The following CSMD1 variants were observed in gnomAD, a reference collection of about 807,000 sequenced individuals.
CSMD1 encodes the protein CUB and Sushi multiple domains 1, also known as CUB and sushi domain-containing protein 1.
A neutral mutation model predicts 417.5 loss-of-function variants in CSMD1; 213 were observed. The ratio of observed to expected loss-of-function variants is 0.51; its 90% CI spans 0.46 to 0.57. The LOEUF (loss-of-function observed/expected upper bound fraction) is 0.57, where lower values mean the gene tolerates loss of function less well. Ranked by LOEUF, CSMD1 falls within the 20% of genes least tolerant of loss-of-function variation. The pLI is 0.00. For missense variants in CSMD1, 6,923 were observed against 4,529.7 expected, an observed-to-expected ratio of 1.53 and a Z score of -15.17; for synonymous variants, 2,862 against 1,736.8, an observed-to-expected ratio of 1.65 and a Z score of -16.11.
chr8:3,207,808 A>G (rs975958240), intron 30 of CSMD1, among the ~76,000 whole-genome samples: 5 of 152,198 alleles, frequency 3.3e-5, no homozygotes, highest in Non-Finnish European at 7.3e-5. Context: ...AAATCATGTT[A>G]TCACTCTAAA....
intron 1 of CSMD1, among the ~76,000 whole-genome samples, chr8:4,682,117 C>T (rs954684414): frequency 5.3e-5 from 8 of 152,136 alleles, no homozygotes; most frequent in Non-Finnish European, 8.8e-5. Context: ...CTCCTGGGCT[C>T]AAGCAATTCT....
chr8:4,940,381 G>A (rs760290759), intron 1 of CSMD1, among the ~76,000 whole-genome samples: 1 of 152,186 alleles, frequency 6.6e-6, no homozygotes, highest in Non-Finnish European at 1.5e-5. Context: ...GAAATATACA[G>A]TTATATTACA....
chr8:4,802,682 C>G (rs17071408), intron 1 of CSMD1, among the ~76,000 whole-genome samples: 1 of 152,052 alleles, frequency 6.6e-6, no homozygotes, highest in African/African-American at 2.4e-5. Context: ...CTCATTAATA[C>G]TGTGAAAGGC....
chr8:4,953,198 G>A (rs538637563), intron 1 of CSMD1, among the ~76,000 whole-genome samples: 1 of 152,254 alleles, frequency 6.6e-6, no homozygotes, highest in Admixed American at 6.5e-5. Flanking sequence ...ATTGTAGGAG[G>A]AAAATCTTTT....
intron 50 of CSMD1, among the ~76,000 whole-genome samples, chr8:3,034,275 C>T (rs895674550): frequency 6.6e-6 from 1 of 152,118 alleles, no homozygotes; most frequent in East Asian, 1.9e-4. Flanking sequence ...CCTTTTTTAA[C>T]TGTTTTCCAT....
At chr8:4,574,080 G>T (rs1158511303) in intron 2 of CSMD1, among the ~76,000 whole-genome samples, 3 of 152,088 alleles carry the variant, frequency 2.0e-5, no homozygotes, top group African/African-American at 7.2e-5. Context: ...GGGACCCACT[G>T]AGCAAGACCA....
intron 37 of CSMD1, among the ~76,000 whole-genome samples, chr8:3,179,059 T>C (rs914180009): frequency 4.0e-5 from 6 of 151,722 alleles, no homozygotes; most frequent in East Asian, 2.0e-4. Context: ...GCCATTCTCC[T>C]GCCTCAGCCT....
At chr8:3,418,311 T>C (rs960842868) in intron 12 of CSMD1, among the ~76,000 whole-genome samples, 4 of 152,148 alleles carry the variant, frequency 2.6e-5, no homozygotes, top group Non-Finnish European at 4.4e-5. Flanking sequence ...GCTTGTCTCA[T>C]GGAGACCATG....
intron 52 of CSMD1, among the ~76,000 whole-genome samples, chr8:3,016,001 C>T (rs1004414588): frequency 3.3e-5 from 5 of 152,126 alleles, no homozygotes; most frequent in East Asian, 3.9e-4. Context: ...ACACACTCCT[C>T]CTTATTGGTC....
chr8:4,914,663 G>C (rs377379996), intron 1 of CSMD1, among the ~76,000 whole-genome samples: 20 of 151,894 alleles, frequency 1.3e-4, no homozygotes, highest in African/African-American at 4.6e-4. Context: ...CAGATCCTCT[G>C]TTTGGACACT....
intron 8 of CSMD1, among the ~76,000 whole-genome samples, chr8:3,601,294 C>T (rs904985002): frequency 2.0e-5 from 3 of 152,220 alleles, no homozygotes; most frequent in African/African-American, 7.2e-5. Flanking sequence ...GGAAACAAAT[C>T]AGCTGTCCTT....
chr8:4,205,932 G>T (rs1799953268), intron 3 of CSMD1, among the ~76,000 whole-genome samples: 1 of 152,088 alleles, frequency 6.6e-6, no homozygotes, highest in South Asian at 2.1e-4. Flanking sequence ...ACGTTTTTCT[G>T]ACTCCCAAGT....
intron 3 of CSMD1, among the ~76,000 whole-genome samples, chr8:4,133,127 G>A (rs1417990344): frequency 1.3e-5 from 2 of 152,094 alleles, no homozygotes; most frequent in East Asian, 3.9e-4. Context: ...TAGTAGAGAA[G>A]GGGTTTCACC....
chr8:3,904,742 T>A (rs1041719299), intron 5 of CSMD1, among the ~76,000 whole-genome samples: 4 of 151,558 alleles, frequency 2.6e-5, no homozygotes, highest in Non-Finnish European at 4.4e-5. Context: ...GTTCAAGTGA[T>A]TCTCATACCT....
At chr8:3,157,813 T>C in intron 39 of CSMD1, 84 bp downstream of exon 39, 3 of 1,084,412 alleles carry the variant, frequency 2.8e-6, no homozygotes, top group Admixed American at 2.1e-5. Context: ...AATTTAGAAG[T>C]GCATTCTTTG....
At chr8:4,963,172 C>G (rs1809625230) in intron 1 of CSMD1, among the ~76,000 whole-genome samples, 1 of 152,078 alleles carries the variant, frequency 6.6e-6, no homozygotes, top group African/African-American at 2.4e-5. Context: ...GGTAAATCAG[C>G]TGTAATCCCT....
chr8:3,124,368 G>A (rs1044452052), intron 41 of CSMD1, among the ~76,000 whole-genome samples: 2 of 152,104 alleles, frequency 1.3e-5, no homozygotes, highest in Admixed American at 1.3e-4. Context: ...AATAAAAAGT[G>A]GATTGAAGTA....
At chr8:3,279,037 G>A (rs903807878) in intron 26 of CSMD1, 1 of 152,134 alleles carries the variant, frequency 6.6e-6, no homozygotes, top group Non-Finnish European at 1.5e-5. Context: ...CAGGTTCTCA[G>A]GGAGATGGAG....
At position 3,278,453 on chromosome 8, in the gene CSMD1, C is replaced by G. The variant is rs572472249; in HGVS notation, c.4153+5691G>C. On this transcript the variant is annotated intron_variant, in intron 26 of 69. Coordinates refer to ENST00000635120, the MANE Select transcript of CSMD1 (RefSeq NM_033225.6). The stretch of plus-strand genomic sequence containing the variant: ...AAGTAAAAATAGCCTACTAAGAAAT[C>G]TCATTTAATACAATTGAATAAATGT... 5 of 152,284 alleles carry G rather than the reference C, an allele frequency of 3.3e-5. No homozygotes were observed. In the South Asian group the frequency reaches 8.3e-4, roughly 25 times the overall value. 9.4% of individuals were successfully genotyped at this position (152,284 alleles called of 1,614,324 possible). A position where few individuals can be genotyped will look rare whatever the true frequency, so the allele number is the denominator to read the frequency against.
Sources: gnomAD v4.1 joint callset for allele counts (sites outside exome capture counted in the v4.1 genomes callset) on GRCh38, gnomAD v4.1.1 for gene constraint, MANE v1.5 for transcripts, NCBI Gene and HGNC (gene_info 2026-07-23, HGNC 2026-07-21) for gene names.